EBF3: variants seen among roughly 807,000 people sequenced by gnomAD.
The protein encoded by EBF3 is EBF transcription factor 3.
A neutral mutation model predicts 77.1 loss-of-function variants in EBF3; 18 were observed. That is an observed-to-expected ratio of 0.23 (90% confidence interval 0.16 to 0.35). EBF3 has a LOEUF of 0.35. Ranked by LOEUF, EBF3 falls within the 10% of genes least tolerant of loss-of-function variation. EBF3 has a pLI of 1.00. For missense variants in EBF3, 558 were observed against 860.0 expected (o/e 0.65, Z 4.39); for synonymous variants, 350 against 343.5 (o/e 1.02, Z -0.21).
intron 5 of EBF3, among the ~76,000 whole-genome samples, chr10:129,958,552 T>G (rs1002016155): frequency 6.6e-6 from 1 of 152,208 alleles, no homozygotes; most frequent in Non-Finnish European, 1.5e-5. Context: ...AGTTTCCTTT[T>G]TATCAATAAC....
chr10:129,956,254 CA>C (rs1859026994), intron 6 of EBF3, among the ~76,000 whole-genome samples: 1 of 152,196 alleles, frequency 6.6e-6, no homozygotes, highest in Non-Finnish European at 1.5e-5. Context: ...AGTTCATGAT[CA>C]AAAGATAACT....
Position 129,935,719 on chromosome 10 carries a change from AC to A in EBF3, c.554+21538del, listed in dbSNP as rs1857313275. 6.6e-6 allele frequency among the ~76,000 whole-genome samples: 1 copy of A among 152,134 alleles called. No homozygotes were observed. Among genetic ancestry groups the A allele is most frequent in the Non-Finnish European group, 1.5e-5 (1 of 68,024 alleles). On this transcript the variant is annotated intron_variant, in intron 6 of 16. Transcript: ENST00000440978. This position sits in a 1 kb window ranked among gnomAD's most constrained non-coding sequence, Gnocchi z 4.2. ...TCAGCACTGGGGAGTCCAGAGGCCA[AC>A]CCCGCAGTCACTGCTGCACAGAAAC...
At chr10:129,850,001 CAG>C (rs1301483876) in intron 10 of EBF3, among the ~76,000 whole-genome samples, 2 of 152,370 alleles carry the variant, frequency 1.3e-5, no homozygotes, top group East Asian at 1.9e-4. Context: ...AGGCCCAGGC[CAG>C]AGTGTCAGGC....
intron 6 of EBF3, among the ~76,000 whole-genome samples, chr10:129,881,905 A>C (rs914632337): frequency 6.6e-6 from 1 of 152,224 alleles, no homozygotes; most frequent in Admixed American, 6.5e-5. Flanking sequence ...CCAAGGAAGA[A>C]AGAGTTTGGT....
chr10:129,850,413 G>A (rs928099187), intron 10 of EBF3, among the ~76,000 whole-genome samples: 3 of 152,228 alleles, frequency 2.0e-5, no homozygotes, highest in African/African-American at 7.2e-5. Context: ...TGTGAAAGCA[G>A]GGTAAGTACA....
intron 6 of EBF3, among the ~76,000 whole-genome samples, chr10:129,911,002 C>T (rs1855490606): frequency 6.6e-6 from 1 of 152,214 alleles, no homozygotes; most frequent in South Asian, 2.1e-4. Context: ...GGATCCAGCA[C>T]CAACCACCAG....
At position 129,963,841 on chromosome 10, in the gene EBF3, G is replaced by A. The variant is rs1021626674; in HGVS notation, c.-73C>T. The A allele has an allele frequency of 2.9e-5, 42 of 1,440,728 alleles. No homozygotes were observed. Among genetic ancestry groups the A allele is most frequent in the Middle Eastern group, 1.9e-4 (1 of 5,302 alleles). 89.2% of individuals were successfully genotyped at this position (1,440,728 alleles called of 1,614,324 possible). A position where few individuals can be genotyped will look rare whatever the true frequency, so the allele number is the denominator to read the frequency against. The stretch of plus-strand genomic sequence containing the variant: ...GAGCAGCGGCGCTCGGGGCTTGGCG[G>A]CAGGCGGCTGCCCTGGCCGCCCTCG... On this transcript the variant is annotated 5_prime_UTR_variant, in exon 1 of 17. Coordinates refer to ENST00000440978, the MANE Select transcript of EBF3 (RefSeq NM_001375380.1). The surrounding 1 kb of genome is among the most constrained non-coding windows in gnomAD (Gnocchi z 7.1).
chr10:129,900,053 A>C (rs1312074369), intron 6 of EBF3, among the ~76,000 whole-genome samples: 2 of 152,360 alleles, frequency 1.3e-5, no homozygotes, highest in Non-Finnish European at 2.9e-5. Flanking sequence ...TGTTTGAGAG[A>C]TAGCAATTCA....
intron 3 of EBF3, 35 bp downstream of exon 3, chr10:129,962,905 CCG>C: frequency 6.2e-7 from 1 of 1,612,042 alleles, no homozygotes; most frequent in Non-Finnish European, 8.5e-7. Flanking sequence ...GGAGAGCCAG[CCG>C]CTGCAGGGGC....
intron 6 of EBF3, among the ~76,000 whole-genome samples, chr10:129,881,831 G>A (rs1853235990): frequency 6.6e-6 from 1 of 152,168 alleles, no homozygotes. Context: ...GAAATCCCGA[G>A]GCCCTCATTT....
chr10:129,837,813 A>G lies in EBF3; in HGVS notation c.*130T>C. Reference sequence around the variant, plus strand: ...AAACAAAGTCTTTTGTAGCATTTCAATTGCTGCTGATTTTTTTGAAGATAC... The same window carrying G: ...AAACAAAGTCTTTTGTAGCATTTCAGTTGCTGCTGATTTTTTTGAAGATAC... On this transcript the variant is annotated 3_prime_UTR_variant, in exon 17 of 17. Transcript: ENST00000440978. 8.0e-7 allele frequency: 1 copy of G among 1,243,332 alleles called. No individual in the cohort carries two copies. The highest frequency in any genetic ancestry group is 1.1e-6 in the Non-Finnish European group (1 of 871,334). 77.0% of individuals were successfully genotyped at this position (1,243,332 alleles called of 1,614,324 possible).
intron 10 of EBF3, among the ~76,000 whole-genome samples, chr10:129,865,796 G>T (rs146570549): frequency 0.01 from 1,549 of 152,360 alleles, 14 homozygotes; most frequent in South Asian, 0.038. Context: ...AGCAGAGGGG[G>T]CTTAGCATCC....
chr10:129,844,679 G>A (rs747032035), intron 11 of EBF3, among the ~76,000 whole-genome samples: 1 of 152,040 alleles, frequency 6.6e-6, no homozygotes, highest in Non-Finnish European at 1.5e-5. Flanking sequence ...AATCCAGAAA[G>A]TTCCCGGATG....
intron 6 of EBF3, among the ~76,000 whole-genome samples, chr10:129,930,821 C>T (rs1363052222): frequency 2.0e-5 from 3 of 148,540 alleles, no homozygotes; most frequent in Non-Finnish European, 3.0e-5. Context: ...ATCCCCCTCT[C>T]ATATATCTAT....
chr10:129,856,398 T>G (rs1244990347), intron 10 of EBF3, among the ~76,000 whole-genome samples: 1 of 152,132 alleles, frequency 6.6e-6, no homozygotes, highest in East Asian at 1.9e-4. Context: ...TACTCAGCCA[T>G]GTACAGGAGC....
At chr10:129,916,083 A>T (rs1444307982) in intron 6 of EBF3, among the ~76,000 whole-genome samples, 1 of 152,208 alleles carries the variant, frequency 6.6e-6, no homozygotes. Context: ...AGGGCCTGGG[A>T]CATGCCCCTC....
intron 10 of EBF3, among the ~76,000 whole-genome samples, chr10:129,855,542 C>T (rs768568766): frequency 6.6e-6 from 1 of 152,116 alleles, no homozygotes; most frequent in African/African-American, 2.4e-5. Context: ...CCTCTGGGGA[C>T]GGGACTGGGG....
At chr10:129,946,749 A>G (rs1475404027) in intron 6 of EBF3, among the ~76,000 whole-genome samples, 2 of 152,194 alleles carry the variant, frequency 1.3e-5, no homozygotes, top group Non-Finnish European at 2.9e-5. Context: ...GGCAGAGTCT[A>G]TTTTTGAGCC....
chr10:129,850,484 A>G (rs1850791757), intron 10 of EBF3, among the ~76,000 whole-genome samples: 1 of 152,168 alleles, frequency 6.6e-6, no homozygotes, highest in South Asian at 2.1e-4. Context: ...AGCAATGCCA[A>G]GAATAAGCGC....
Sources: allele counts gnomAD v4.1 joint callset (sites outside exome capture counted in the v4.1 genomes callset), GRCh38; gene constraint gnomAD v4.1.1; non-coding constraint Gnocchi (gnomAD v3.1); transcripts MANE v1.5; gene names NCBI Gene and HGNC (gene_info 2026-07-23, HGNC 2026-07-21).